INVS: variants seen among roughly 807,000 people sequenced by gnomAD.
INVS encodes the protein inversion of embryo turning homolog.
Under a neutral mutation model 108.8 loss-of-function variants are expected in INVS, and 86 were observed. The observed-to-expected ratio is 0.79, with a 90% CI of 0.66 to 0.95. INVS has a LOEUF of 0.95. Among genes scored for constraint, INVS ranks in the 40% least tolerant of loss-of-function variants. INVS has a pLI of 0.00. For synonymous variants in INVS, 455 were observed against 473.5 expected (o/e 0.96, Z 0.51); for missense variants, 1,169 against 1,297.4 (o/e 0.90, Z 1.52).
At chr9:100,202,083 A>G (rs1830548649) in intron 3 of INVS, among the ~76,000 whole-genome samples, 1 of 140,986 alleles carries the variant, frequency 7.1e-6, no homozygotes, top group African/African-American at 2.7e-5. Context: ...AAAAGCAGTT[A>G]TTACAATAGT....
chr9:100,194,044 T>C (rs1830303117), intron 3 of INVS, among the ~76,000 whole-genome samples: 1 of 152,248 alleles, frequency 6.6e-6, no homozygotes, highest in South Asian at 2.1e-4. Context: ...AGAACATTCA[T>C]CTGTAAGCAT....
intron 3 of INVS, among the ~76,000 whole-genome samples, chr9:100,203,682 T>C (rs1284869226): frequency 2.0e-5 from 3 of 152,038 alleles, no homozygotes; most frequent in Non-Finnish European, 4.4e-5. Context: ...TTTGTATTTT[T>C]AGTAGAGACA....
chr9:100,120,559 G>A (rs1310544231), intron 2 of INVS: 1 of 155,196 alleles, frequency 6.4e-6, no homozygotes, highest in Non-Finnish European at 1.5e-5. Context: ...ATATTTGTTA[G>A]CTTTCGTTTA....
intron 10 of INVS, among the ~76,000 whole-genome samples, chr9:100,260,340 C>T (rs530280269): frequency 6.6e-6 from 1 of 150,578 alleles, no homozygotes; most frequent in Non-Finnish European, 1.5e-5. Flanking sequence ...CAGGCATGCA[C>T]CACCACATCT....
intron 3 of INVS, among the ~76,000 whole-genome samples, chr9:100,206,721 A>G (rs966269341): frequency 2.6e-5 from 4 of 152,048 alleles, no homozygotes; most frequent in Non-Finnish European, 5.9e-5. Flanking sequence ...CATTGTCCCA[A>G]CAATGTCATC....
chr9:100,216,710 T>C (rs1280813440), intron 3 of INVS, among the ~76,000 whole-genome samples: 1 of 152,224 alleles, frequency 6.6e-6, no homozygotes, highest in Non-Finnish European at 1.5e-5. Context: ...TATTTCTGTT[T>C]TGGAGATTTC....
intron 3 of INVS, among the ~76,000 whole-genome samples, chr9:100,143,831 G>A (rs1828511469): frequency 6.6e-6 from 1 of 152,140 alleles, no homozygotes; most frequent in African/African-American, 2.4e-5. Context: ...AGAAGGTAAT[G>A]TGGAGTGGGT....
chr9:100,174,064 T>C (rs916635694), intron 3 of INVS, among the ~76,000 whole-genome samples: 1 of 152,218 alleles, frequency 6.6e-6, no homozygotes, highest in African/African-American at 2.4e-5. Flanking sequence ...TTCTCAAATA[T>C]TGCTAGACAT....
At chr9:100,132,510 T>C (rs1017331798) in intron 3 of INVS, among the ~76,000 whole-genome samples, 4 of 152,154 alleles carry the variant, frequency 2.6e-5, no homozygotes, top group African/African-American at 9.7e-5. Flanking sequence ...GGATGATGAG[T>C]CCTTAGATAT....
chr9:100,193,993 G>A (rs1005040072), intron 3 of INVS, among the ~76,000 whole-genome samples: 2 of 152,118 alleles, frequency 1.3e-5, no homozygotes, highest in Non-Finnish European at 2.9e-5. Flanking sequence ...GTGAACATTT[G>A]GGTTGTTTTC....
chr9:100,100,920 A>ATATATAATATATATTATATG (rs1826928698), intron 1 of INVS, among the ~76,000 whole-genome samples: 1 of 20,504 alleles, frequency 4.9e-5, no homozygotes, highest in African/African-American at 5.0e-4. Flanking sequence ...TATTATATGT[A>ATATATAATATATATTATATG]TATATATAAT....
intron 3 of INVS, among the ~76,000 whole-genome samples, chr9:100,203,501 C>CT (rs34618293): frequency 0.33 from 40,385 of 122,840 alleles, 7,694 homozygotes; most frequent in Non-Finnish European, 0.42. Flanking sequence ...CCAAAGCTTC[C>CT]TTTTTTTTTT....
chr9:100,148,717 C>T (rs1305146899), intron 3 of INVS, among the ~76,000 whole-genome samples: 1 of 152,198 alleles, frequency 6.6e-6, no homozygotes, highest in Non-Finnish European at 1.5e-5. Flanking sequence ...GCTACAAAAA[C>T]ATTTTAAATG....
chr9:100,148,941 T>C (rs76083212), intron 3 of INVS, among the ~76,000 whole-genome samples: 2,763 of 152,242 alleles, frequency 0.018, 89 homozygotes, highest in African/African-American at 0.063. Context: ...AAAGTGACAG[T>C]AGAACTCCCA....
intron 3 of INVS, among the ~76,000 whole-genome samples, chr9:100,179,014 C>T (rs1484434193): frequency 6.6e-6 from 1 of 152,128 alleles, no homozygotes; most frequent in African/African-American, 2.4e-5. Flanking sequence ...ATTTTCAACA[C>T]AGAATTTCAT....
At chr9:100,136,764 G>A (rs1435523714) in intron 3 of INVS, among the ~76,000 whole-genome samples, 1 of 152,200 alleles carries the variant, frequency 6.6e-6, no homozygotes, top group African/African-American at 2.4e-5. Context: ...TCGGGTCTGG[G>A]CACAGTAGCT....
intron 16 of INVS, among the ~76,000 whole-genome samples, chr9:100,298,605 A>AACACGCTCCCCCC (rs1833859962): frequency 8.1e-6 from 1 of 123,722 alleles, no homozygotes; most frequent in East Asian, 2.4e-4. Context: ...TGGCTATGGC[A>AACACGCTCCCCCC]ACACGCTCCC....
chr9:100,241,432 T>G (rs1241884615), intron 6 of INVS, among the ~76,000 whole-genome samples: 3 of 152,222 alleles, frequency 2.0e-5, no homozygotes, highest in Non-Finnish European at 4.4e-5. Context: ...CTTTTTCATT[T>G]CACTCTGTTT....
chr9:100,196,059 G>C (rs1301625442), intron 3 of INVS, among the ~76,000 whole-genome samples: 1 of 152,098 alleles, frequency 6.6e-6, no homozygotes, highest in Non-Finnish European at 1.5e-5. Context: ...GGTAAGATTG[G>C]AATTATTTAT....
Sources: gnomAD v4.1 joint callset for allele counts (sites outside exome capture counted in the v4.1 genomes callset) on GRCh38, gnomAD v4.1.1 for gene constraint, MANE v1.5 for transcripts, NCBI Gene and HGNC (gene_info 2026-07-23, HGNC 2026-07-21) for gene names.